STAT6: variants seen among roughly 807,000 people sequenced by gnomAD.
STAT6 encodes the protein STAT, interleukin4-induced.
STAT6 carries 45 observed loss-of-function variants against 106.3 expected under a neutral mutation model. The ratio of observed to expected loss-of-function variants is 0.42; its 90% CI spans 0.33 to 0.54. The LOEUF (loss-of-function observed/expected upper bound fraction) is 0.54, where lower values mean the gene tolerates loss of function less well. STAT6 is among the 20% of genes least tolerant of loss of function. The pLI, the probability that STAT6 is intolerant of heterozygous loss-of-function variation, is 0.06. For missense variants in STAT6, 797 were observed against 1,062.2 expected (o/e 0.75, Z 3.47); for synonymous variants, 413 against 413.6 (o/e 1.00, Z 0.02).
At chr12:57,106,144 T>G (rs1250825220) in intron 7 of STAT6, 47 bp downstream of exon 7, 8 of 1,609,760 alleles carry the variant, frequency 5.0e-6, no homozygotes, top group Non-Finnish European at 5.9e-6. Flanking sequence ...CAGGGTCAGC[T>G]GCCCACCCCC....
At position 57,104,477 on chromosome 12, in the gene STAT6, G is replaced by A; in HGVS notation, c.1199C>T (p.Pro400Leu). 6.2e-7 allele frequency: 1 copy of A among 1,609,240 alleles called. No individual in the cohort carries two copies. ...GCCACGGTTCACCTGGAGCTGGATGGGGAGTTTGCCGGGGCCAAGTGTGAA... is the reference window on the plus strand; with the variant it reads ...GCCACGGTTCACCTGGAGCTGGATGAGGAGTTTGCCGGGGCCAAGTGTGAA... ...ASFTLGPGKL[P>L]IQLQALSLPL... The change falls in exon 11 of 22, where the codon CCC becomes CTC. Residue 400 changes from proline to leucine, a missense_variant. This residue lies in a region of STAT6 where 222 missense variants were observed against 354.6 expected (regional missense o/e 0.63). Coordinates refer to ENST00000300134, the MANE Select transcript of STAT6 (RefSeq NM_003153.5).
Position 57,105,530 on chromosome 12 carries a change from C to T in STAT6, c.750G>A (p.Glu250=). The change falls in exon 8 of 22, where the codon GAG becomes GAA. Residue 250 remains glutamate (E), a synonymous_variant. Coordinates refer to ENST00000300134, the MANE Select transcript of STAT6 (RefSeq NM_003153.5). ...QEVGAAGGEL[E]PKTRASLTGR... ...CAGTCAGCGATGCCCGGGTCTTGGG[C>T]TCAAGCTCCCCACCAGCCGCCCCTA... 6.2e-7 allele frequency: 1 copy of T among 1,614,042 alleles called. No homozygotes were observed. The highest frequency in any genetic ancestry group is 8.5e-7 in the Non-Finnish European group (1 of 1,179,966).
chr12:57,102,319 G>A lies in STAT6; in HGVS notation c.1483C>T (p.Arg495Cys). The change falls in exon 13 of 22, where the codon CGT becomes TGT. Residue 495 changes from arginine to cysteine, a missense_variant. By Grantham distance (180) the Arg-to-Cys change is radical. Transcript: ENST00000300134. ...TTGAACTGCGACCAGGACACAGAAC[G>A]GTGCTGGAAGGCCTCCATACTGAGG... ...NSLSMEAFQH[R>C]SVSWSQFNKE... 5 of 1,614,130 alleles carry A rather than the reference G, an allele frequency of 3.1e-6. No individual in the cohort carries two copies. The highest frequency in any genetic ancestry group is 4.2e-6 in the Non-Finnish European group (5 of 1,180,016).
chr12:57,102,608 T>C (rs751207656), intron 12 of STAT6, 112 bp from the exon 13 acceptor site: 4 of 1,172,918 alleles, frequency 3.4e-6, no homozygotes, highest in African/African-American at 1.5e-5. Flanking sequence ...GCCCCTGATA[T>C]CGCTCACAAA....
chr12:57,100,119 C>A lies in STAT6; in HGVS notation c.1513-29G>T, dbSNP rs750994868. On this transcript the variant is annotated intron_variant, in intron 13 of 21. Transcript: ENST00000300134. ...GGGGGAGAGGGGGAAAGGTGTGAGCCGAGGGAGGGCCAGAGCTGGAGCCTG... is the reference window on the plus strand; with the variant it reads ...GGGGGAGAGGGGGAAAGGTGTGAGCAGAGGGAGGGCCAGAGCTGGAGCCTG... 2.6e-6 allele frequency: 4 copies of A among 1,559,536 alleles called. No homozygotes were observed. The African/African-American group carries it at 5.5e-5, about 21-fold the overall frequency.
At position 57,099,733 on chromosome 12, in the gene STAT6, CACAGAGACAGAGG is replaced by C; in HGVS notation, c.1744+21_1744+33del. On this transcript the variant is annotated intron_variant, in intron 15 of 21. Transcript: ENST00000300134. The surrounding 1 kb of genome is among the most constrained non-coding windows in gnomAD (Gnocchi z 4.7). The stretch of plus-strand genomic sequence containing the variant: ...CAGAAGAAACCCCAGAGGGCACAGG[CACAGAGACAGAGG>C]ACTGGCTGGGGTGGCCTCACCATCC... 1 of 1,613,292 alleles carries C rather than the reference CACAGAGACAGAGG, an allele frequency of 6.2e-7. No individual in the cohort carries two copies. The highest frequency in any genetic ancestry group is 8.5e-7 in the Non-Finnish European group (1 of 1,179,648).
At position 57,096,652 on chromosome 12, in the gene STAT6, G is replaced by A. The variant is rs2033448813; in HGVS notation, c.2464C>T (p.Pro822Ser). Residue 822 changes from proline (P) to serine (S), a missense_variant, in exon 22 of 22, where the codon CCC becomes TCC. Pro to Ser is a moderately conservative substitution (Grantham distance 74). Transcript: ENST00000300134. ...ESGGGSLGAQPLLQPSHYGQS... is the reference protein window; with the variant it reads ...ESGGGSLGAQSLLQPSHYGQS... ...CCATAGTGGGAGGGCTGCAGGAGGG[G>A]CTGTGCCCCCAAGGACCCTCCCCCC... is the stretch of plus-strand genomic sequence containing the variant. 1.2e-6 allele frequency: 2 copies of A among 1,608,798 alleles called. No homozygotes were observed. The highest frequency in any genetic ancestry group is 1.7e-5 in the Admixed American group (1 of 57,900).
At position 57,096,703 on chromosome 12, in the gene STAT6, G is replaced by A; in HGVS notation, c.2413C>T (p.Leu805Phe). Residue 805 changes from leucine (L) to phenylalanine (F), a missense_variant, in exon 22 of 22, where the codon CTT becomes TTT. Coordinates refer to ENST00000300134, the MANE Select transcript of STAT6 (RefSeq NM_003153.5). The part of the protein sequence containing the change: ...LPPTEQDLTK[L>F]LLEGQGESGG... ...GACTCCCCTTGCCCCTCCAGGAGAA[G>A]CTTAGTGAGGTCCTGTTCAGTGGGA... 6.2e-6 allele frequency: 10 copies of A among 1,610,770 alleles called. No individual in the cohort carries two copies. Among genetic ancestry groups the A allele is most frequent in the Non-Finnish European group, 8.5e-6 (10 of 1,178,914 alleles).
intron 4 of STAT6, 132 bp downstream of exon 4, chr12:57,107,099 G>A (rs2136613857): frequency 1.8e-6 from 2 of 1,087,016 alleles, no homozygotes; most frequent in African/African-American, 1.6e-5. Flanking sequence ...CTGACCCTAG[G>A]AACCTCCTTT....
intron 12 of STAT6, 130 bp downstream of exon 12, chr12:57,102,699 C>T: frequency 2.2e-6 from 2 of 926,420 alleles, no homozygotes; most frequent in Non-Finnish European, 3.4e-6. Flanking sequence ...AGCACGAAAG[C>T]AGGCCCATGA....
Position 57,099,703 on chromosome 12 carries a change from A to T in STAT6, c.1744+64T>A, listed in dbSNP as rs564016399. On this transcript the variant is annotated intron_variant, in intron 15 of 21. Transcript: ENST00000300134. This position sits in a 1 kb window ranked among gnomAD's most constrained non-coding sequence, Gnocchi z 4.7. ...GGCATCAGGAAGGTCAGGACATTTCATTCCCAGAAGAAACCCCAGAGGGCA... is the reference window on the plus strand; with the variant it reads ...GGCATCAGGAAGGTCAGGACATTTCTTTCCCAGAAGAAACCCCAGAGGGCA... 110 of 1,603,824 alleles carry T rather than the reference A, an allele frequency of 6.9e-5. No individual in the cohort carries two copies. In the Middle Eastern group the frequency reaches 9.3e-4, roughly 14 times the overall value.
chr12:57,096,718 G>C lies in STAT6; in HGVS notation c.2398C>G (p.Gln800Glu). Residue 800 changes from glutamine to glutamate, a missense_variant, in exon 22 of 22, where the codon CAG becomes GAG. This residue lies in a region of STAT6 where 226 missense variants were observed against 236.7 expected (regional missense o/e 0.95). Coordinates refer to ENST00000300134, the MANE Select transcript of STAT6 (RefSeq NM_003153.5). ...IFPPLLPPTE[Q>E]DLTKLLLEGQ... ...TCCAGGAGAAGCTTAGTGAGGTCCT[G>C]TTCAGTGGGAGGCAGCAGAGGAGGG... The C allele has an allele frequency of 1.2e-6, 2 of 1,612,818 alleles. No individual in the cohort carries two copies. Among genetic ancestry groups the C allele is most frequent in the Non-Finnish European group, 1.7e-6 (2 of 1,179,526 alleles).
Position 57,096,246 on chromosome 12 carries a change from C to T in STAT6, c.*326G>A, listed in dbSNP as rs2033413431. 1 of 277,618 alleles carries T rather than the reference C, an allele frequency of 3.6e-6. No individual in the cohort carries two copies. The highest frequency in any genetic ancestry group is 5.0e-5 in the Admixed American group (1 of 19,830). 17.2% of individuals were successfully genotyped at this position (277,618 alleles called of 1,614,324 possible). A position where few individuals can be genotyped will look rare whatever the true frequency, so the allele number is the denominator to read the frequency against. ...TACCCAGCCCCCCTCCTGCTCAGCC[C>T]CATCACCCTCAGAGAGCTCTGTATG... On this transcript the variant is annotated 3_prime_UTR_variant, in exon 22 of 22. Coordinates refer to ENST00000300134, the MANE Select transcript of STAT6 (RefSeq NM_003153.5).
At chr12:57,106,474 C>T (rs199987250) in intron 6 of STAT6, 54 bp downstream of exon 6, 54 of 1,610,908 alleles carry the variant, frequency 3.4e-5, no homozygotes, top group Non-Finnish European at 5.9e-6. Flanking sequence ...GTCTAGCTTC[C>T]ATCCCTCCAG....
intron 6 of STAT6, 61 bp from the exon 7 acceptor site, chr12:57,106,400 A>G (rs2136610630): frequency 6.2e-7 from 1 of 1,609,498 alleles, no homozygotes; most frequent in East Asian, 2.2e-5. Flanking sequence ...AGCTCCTGGG[A>G]TACGGCTCTT....
At chr12:57,106,170 C>T (rs1019117126) in intron 7 of STAT6, 21 bp downstream of exon 7, 2 of 1,612,924 alleles carry the variant, frequency 1.2e-6, no homozygotes, top group Non-Finnish European at 1.7e-6. Context: ...GCCCCCTCTT[C>T]CCCATCAGCC....
chr12:57,104,695 GC>G, intron 10 of STAT6, 30 bp downstream of exon 10: 1 of 1,613,922 alleles, frequency 6.2e-7, no homozygotes, highest in African/African-American at 1.3e-5. Flanking sequence ...TCCTAGTGGT[GC>G]CCCCCTCACT....
chr12:57,099,732 G>GT lies in STAT6; in HGVS notation c.1744+34_1744+35insA. The GT allele has an allele frequency of 6.2e-7, 1 of 1,613,228 alleles. No homozygotes were observed. Among genetic ancestry groups the GT allele is most frequent in the Non-Finnish European group, 8.5e-7 (1 of 1,179,590 alleles). On this transcript the variant is annotated intron_variant, in intron 15 of 21. Coordinates refer to ENST00000300134, the MANE Select transcript of STAT6 (RefSeq NM_003153.5). This position sits in a 1 kb window ranked among gnomAD's most constrained non-coding sequence, Gnocchi z 4.7. Reference sequence around the variant, plus strand: ...CCAGAAGAAACCCCAGAGGGCACAGGCACAGAGACAGAGGACTGGCTGGGG... The same window carrying GT: ...CCAGAAGAAACCCCAGAGGGCACAGGTCACAGAGACAGAGGACTGGCTGGGG...
rs1300750809 is a variant in STAT6, at chr12:57,106,172, C to T, written c.680+19G>A. The T allele has an allele frequency of 6.2e-7, 1 of 1,613,104 alleles. No individual in the cohort carries two copies. Among genetic ancestry groups the T allele is most frequent in the African/African-American group, 1.3e-5 (1 of 74,926 alleles). On this transcript the variant is annotated intron_variant, in intron 7 of 21. Transcript: ENST00000300134. ...CCACCCCCAGCTTGCCCCCTCTTCC[C>T]CATCAGCCCTAGCCCAACCTCTCCT...
Sources: gnomAD v4.1 joint callset for allele counts on GRCh38, gnomAD v4.1.1 for gene constraint, gnomAD v4.1.1 regional missense constraint, Gnocchi (gnomAD v3.1) non-coding constraint, MANE v1.5 for transcripts, NCBI Gene and HGNC (gene_info 2026-07-23, HGNC 2026-07-21) for gene names.